The following MAP6 variants were observed in gnomAD, a reference collection of about 807,000 sequenced individuals.
MAP6 encodes the protein microtubule-associated protein 6.
A neutral mutation model predicts 42.4 loss-of-function variants in MAP6; 26 were observed. The observed-to-expected ratio is 0.61, with a 90% CI of 0.45 to 0.85. MAP6 has a LOEUF of 0.85. Ranked by LOEUF, MAP6 falls within the 40% of genes least tolerant of loss-of-function variation. MAP6 has a pLI of 0.00. For synonymous variants in MAP6, 418 were observed against 443.8 expected (o/e 0.94, Z 0.73); for missense variants, 966 against 1,099.0 (o/e 0.88, Z 1.71).
At chr11:75,642,790 G>A (rs773755768) in intron 1 of MAP6, 15 of 406,240 alleles carry the variant, frequency 3.7e-5, no homozygotes, top group East Asian at 6.1e-5. Context: ...GCAACTAGTC[G>A]AATGAGACAC....
Position 75,640,372 on chromosome 11 carries a change from G to T in MAP6, c.905+27093C>A, listed in dbSNP as rs1590794869. Among the ~76,000 whole-genome samples, 3 of 152,268 alleles carry T rather than the reference G, an allele frequency of 2.0e-5. No individual in the cohort carries two copies. In the South Asian group the frequency reaches 6.2e-4, roughly 32 times the overall value. Reference sequence around the variant, plus strand: ...TGCCAGACAATGACCTATATGCTTTGCATACAAAGGGAAGGGAATAGTTTA... The same window carrying T: ...TGCCAGACAATGACCTATATGCTTTTCATACAAAGGGAAGGGAATAGTTTA... On this transcript the variant is annotated intron_variant, in intron 1 of 3. Coordinates refer to ENST00000304771, the MANE Select transcript of MAP6 (RefSeq NM_033063.2).
intron 1 of MAP6, among the ~76,000 whole-genome samples, chr11:75,625,741 A>G (rs1294337897): frequency 6.6e-6 from 1 of 152,194 alleles, no homozygotes; most frequent in Non-Finnish European, 1.5e-5. Context: ...CTCTTACTTA[A>G]ATATCAAAAT....
chr11:75,643,453 A>T (rs1262626220), intron 1 of MAP6, among the ~76,000 whole-genome samples: 2 of 152,138 alleles, frequency 1.3e-5, no homozygotes, highest in African/African-American at 4.8e-5. Context: ...TACAACCCCA[A>T]AGATTAGTAA....
At chr11:75,627,090 A>T (rs1943210423) in intron 1 of MAP6, among the ~76,000 whole-genome samples, 1 of 152,266 alleles carries the variant, frequency 6.6e-6, no homozygotes, top group Admixed American at 6.5e-5. Context: ...TGTATAACCT[A>T]GGAAATGGCT....
intron 1 of MAP6, chr11:75,642,793 T>A: frequency 2.4e-6 from 1 of 411,110 alleles, no homozygotes; most frequent in Non-Finnish European, 5.1e-6. Context: ...ACTAGTCGAA[T>A]GAGACACCTA....
Position 75,587,969 on chromosome 11 carries a change from AC to A in MAP6, c.1531del (p.Val511SerfsTer5). The A allele has an allele frequency of 1.9e-6, 3 of 1,614,144 alleles. No individual in the cohort carries two copies. Among genetic ancestry groups the A allele is most frequent in the Non-Finnish European group, 2.5e-6 (3 of 1,180,030 alleles). ...GCTTTCATTCTTTAAAGGCTCAGGG[AC>A]CGTGTGATCTTGATCCTTGACTGGT... ...PLPVKDQDHTVPEPLKNESPV... is the reference protein window; with the variant it reads ...PLPVKDQDHTXPEPLKNESPV... On this transcript the variant is annotated frameshift_variant, in exon 4 of 4. Coordinates refer to ENST00000304771, the MANE Select transcript of MAP6 (RefSeq NM_033063.2). LOFTEE classifies it low-confidence loss of function (END_TRUNC).
chr11:75,604,876 G>T, intron 3 of MAP6: 4 of 985,496 alleles, frequency 4.1e-6, no homozygotes, highest in Non-Finnish European at 4.8e-6. Context: ...GGAAGGGAGA[G>T]TAAACATCGC....
intron 1 of MAP6, among the ~76,000 whole-genome samples, chr11:75,654,555 C>T (rs1400563997): frequency 6.6e-6 from 1 of 152,170 alleles, no homozygotes; most frequent in Non-Finnish European, 1.5e-5. Flanking sequence ...CCAGGAGCTC[C>T]TTTAGGACAG....
intron 1 of MAP6, chr11:75,638,514 T>G (rs985980715): frequency 6.6e-6 from 1 of 152,158 alleles, no homozygotes; most frequent in African/African-American, 2.4e-5. Context: ...CTTACATGTT[T>G]CTCACTCTAT....
intron 3 of MAP6, chr11:75,604,607 T>TC: frequency 1.0e-6 from 1 of 985,188 alleles, no homozygotes; most frequent in African/African-American, 1.7e-5. Flanking sequence ...GTTTTTTTTT[T>TC]CACAACAACT....
chr11:75,659,883 T>C (rs550494494), intron 1 of MAP6, among the ~76,000 whole-genome samples: 9 of 152,368 alleles, frequency 5.9e-5, no homozygotes, highest in Admixed American at 6.5e-5. Flanking sequence ...GAAGTTCATA[T>C]ATGCATTAGA....
intron 1 of MAP6, among the ~76,000 whole-genome samples, chr11:75,637,024 G>A (rs1943381182): frequency 6.6e-6 from 1 of 152,208 alleles, no homozygotes; most frequent in Admixed American, 6.5e-5. Context: ...TAAACTGGAA[G>A]CAACCTGAGG....
At chr11:75,642,208 T>C (rs1030731469) in intron 1 of MAP6, among the ~76,000 whole-genome samples, 1 of 152,238 alleles carries the variant, frequency 6.6e-6, no homozygotes, top group African/African-American at 2.4e-5. Context: ...TGGTCTTCAG[T>C]GTCATGTTGG....
intron 1 of MAP6, among the ~76,000 whole-genome samples, chr11:75,666,493 CA>C (rs1943949099): frequency 9.9e-5 from 15 of 151,978 alleles, no homozygotes; most frequent in Admixed American, 9.8e-4. Context: ...ATCTGGAGAA[CA>C]TGTAGGGAAA....
intron 3 of MAP6, among the ~76,000 whole-genome samples, chr11:75,590,223 A>G (rs1264729261): frequency 5.3e-5 from 8 of 152,258 alleles, no homozygotes; most frequent in Admixed American, 5.2e-4. Context: ...AACAGAGCCA[A>G]GCAGGAAATT....
Position 75,605,815 on chromosome 11 carries a change from C to A in MAP6, c.1309G>T (p.Ala437Ser). 3.7e-6 allele frequency: 6 copies of A among 1,614,020 alleles called. No homozygotes were observed. Among genetic ancestry groups the A allele is most frequent in the Non-Finnish European group, 5.1e-6 (6 of 1,180,006 alleles). ...SKEMNNKLAEAKESLAQPVSD... is the reference protein window; with the variant it reads ...SKEMNNKLAESKESLAQPVSD... ...AAGTGCAGGGAAATTTACTCTTTCG[C>A]CTCAGCCAGTTTATTGTTCATCTCT... Residue 437 changes from alanine to serine, a missense_variant, in exon 3 of 4, where the codon GCG becomes TCG. Around this residue, in one of 2 missense-constraint regions of MAP6, gnomAD observed 943 missense variants for 1,049.9 expected, o/e 0.90. Transcript: ENST00000304771.
chr11:75,618,489 C>A lies in MAP6; in HGVS notation c.906-10167G>T, dbSNP rs147104354. ...AGGCATGGTGGTGGGCGCCTGTAAT[C>A]CCAGGTACTTGGGAGGCTGAGGCAG... On this transcript the variant is annotated intron_variant, in intron 1 of 3. Coordinates refer to ENST00000304771, the MANE Select transcript of MAP6 (RefSeq NM_033063.2). Among the ~76,000 whole-genome samples the A allele has an allele frequency of 6.6e-3, 1,010 of 152,066 alleles. 15 individuals carry two copies. The highest frequency in any genetic ancestry group is 0.021 in the African/African-American group (882 of 41,480).
In MAP6 at chr11:75,593,300, G is replaced by C. The variant is rs528992201; in HGVS notation, c.1317-5116C>G. 9.2e-5 allele frequency among the ~76,000 whole-genome samples: 14 copies of C among 152,306 alleles called. No homozygotes were observed. The South Asian group carries it at 2.1e-3, about 23-fold the overall frequency. ...TAAACAACAGACTGTTCTGTGCCAG[G>C]CTCTGTCCTATTTGCAAAACTTAAT... On this transcript the variant is annotated intron_variant, in intron 3 of 3. Coordinates refer to ENST00000304771, the MANE Select transcript of MAP6 (RefSeq NM_033063.2).
At chr11:75,601,337 C>T (rs577221678) in intron 3 of MAP6, among the ~76,000 whole-genome samples, 1 of 152,190 alleles carries the variant, frequency 6.6e-6, no homozygotes, top group Non-Finnish European at 1.5e-5. Context: ...CGTTTTGTCT[C>T]TCTCCCTTAA....
Sources: gnomAD v4.1 joint callset for allele counts (sites outside exome capture counted in the v4.1 genomes callset) on GRCh38, gnomAD v4.1.1 for gene constraint, gnomAD v4.1.1 regional missense constraint, MANE v1.5 for transcripts, NCBI Gene and HGNC (gene_info 2026-07-23, HGNC 2026-07-21) for gene names.